The following NPEPL1 variants were observed in gnomAD, a reference collection of about 807,000 sequenced individuals.
NPEPL1 encodes the protein probable aminopeptidase NPEPL1.
NPEPL1 carries 45 observed loss-of-function variants against 52.4 expected under a neutral mutation model. The ratio of observed to expected loss-of-function variants is 0.86; its 90% CI spans 0.68 to 1.10. The LOEUF is 1.10. Ranked by LOEUF, NPEPL1 falls within the 50% of genes least tolerant of loss-of-function variation. The pLI is 0.00. For synonymous variants in NPEPL1, 360 were observed against 314.7 expected (o/e 1.14, Z -1.52); for missense variants, 696 against 710.9 (o/e 0.98, Z 0.24).
At position 58,713,647 on chromosome 20, in the gene NPEPL1, A is replaced by G; in HGVS notation, c.1125+104A>G. ...CAGCGCGTGGGGGCTGCCGTCAGGA[A>G]GTTTTCATAACTGGGCACGAGGAGG... On this transcript the variant is annotated intron_variant, in intron 9 of 11. Coordinates refer to ENST00000356091, the MANE Select transcript of NPEPL1 (RefSeq NM_024663.4). The surrounding 1 kb of genome is among the most constrained non-coding windows in gnomAD (Gnocchi z 4.6). 7.1e-7 allele frequency: 1 copy of G among 1,407,634 alleles called. No homozygotes were observed. The highest frequency in any genetic ancestry group is 9.4e-7 in the Non-Finnish European group (1 of 1,069,384). 87.2% of individuals were successfully genotyped at this position (1,407,634 alleles called of 1,614,324 possible). A position where few individuals can be genotyped will look rare whatever the true frequency, so the allele number is the denominator to read the frequency against.
Position 58,698,688 on chromosome 20 carries a change from T to C in NPEPL1, c.512T>C (p.Leu171Ser), listed in dbSNP as rs751322422. ...TGATGGCCTTTTTCTCCCTAGTGCT[T>C]AGCGAATGCCACAGACGGCGTGCGG... ...GPVEVSTLQC[L>S]ANATDGVRLA... Residue 171 changes from leucine to serine, a missense_variant, in exon 4 of 12, where the codon TTA becomes TCA. Physicochemically the swap from Leu to Ser is moderately radical, Grantham distance 145. Transcript: ENST00000356091. 6.2e-7 allele frequency: 1 copy of C among 1,612,566 alleles called. No homozygotes were observed. The highest frequency in any genetic ancestry group is 8.5e-7 in the Non-Finnish European group (1 of 1,179,768).
intron 3 of NPEPL1, 60 bp downstream of exon 3, chr20:58,694,652 G>A: frequency 6.1e-6 from 9 of 1,485,884 alleles, no homozygotes; most frequent in Non-Finnish European, 7.2e-6. Flanking sequence ...GCAGGTGGGA[G>A]GGAGGTCGGG....
intron 7 of NPEPL1, among the ~76,000 whole-genome samples, chr20:58,711,867 C>T (rs913072912): frequency 2.0e-5 from 3 of 152,216 alleles, no homozygotes; most frequent in East Asian, 1.9e-4. Flanking sequence ...GTTAAAGATT[C>T]GTCTGCGGGA....
Position 58,714,191 on chromosome 20 carries a change from C to A in NPEPL1, c.1302+98C>A, listed in dbSNP as rs961638577. 1.4e-5 allele frequency: 19 copies of A among 1,387,482 alleles called. No individual in the cohort carries two copies. In the African/African-American group the frequency reaches 2.1e-4, roughly 15 times the overall value. The allele number at this position is 1,387,482 out of a possible 1,614,324, so 85.9% of individuals were successfully genotyped here. On this transcript the variant is annotated intron_variant, in intron 10 of 11. Transcript: ENST00000356091. ...TGCTGGTGCACCCAGGGAGCTGGGGCCCCCCAGAAGCAGCCACAGTGCAGA... is the reference window on the plus strand; with the variant it reads ...TGCTGGTGCACCCAGGGAGCTGGGGACCCCCAGAAGCAGCCACAGTGCAGA...
Position 58,701,142 on chromosome 20 carries a change from T to G in NPEPL1, c.806T>G (p.Leu269Arg). The G allele has an allele frequency of 1.9e-6, 3 of 1,571,566 alleles. No homozygotes were observed. Among genetic ancestry groups the G allele is most frequent in the Non-Finnish European group, 2.6e-6 (3 of 1,159,922 alleles). ...GKGIVYDTGG[L>R]SIKGKTTMPG... The stretch of plus-strand genomic sequence containing the variant: ...GGCATCGTCTATGACACTGGAGGCC[T>G]CAGCATCAAAGGGAAGGTGAGGTGC... Residue 269 changes from leucine to arginine, a missense_variant, in exon 6 of 12, where the codon CTC becomes CGC. By Grantham distance (102) the Leu-to-Arg change is moderately radical. Transcript: ENST00000356091.
intron 5 of NPEPL1, among the ~76,000 whole-genome samples, chr20:58,699,791 G>T (rs957041032): frequency 1.3e-5 from 2 of 152,230 alleles, no homozygotes; most frequent in Admixed American, 1.3e-4. Context: ...GGGCAGATAA[G>T]TATGACTCAG....
intron 7 of NPEPL1, 66 bp from the exon 8 acceptor site, chr20:58,712,413 G>A: frequency 9.5e-7 from 1 of 1,056,866 alleles, no homozygotes; most frequent in South Asian, 1.3e-5. Flanking sequence ...AGAACCCCCA[G>A]CTCGTCCTCC....
chr20:58,704,432 T>C, intron 6 of NPEPL1: 1 of 891,164 alleles, frequency 1.1e-6, no homozygotes, highest in African/African-American at 1.8e-5. Context: ...TATAACAATG[T>C]CTATTGATAT....
chr20:58,713,546 G>A lies in NPEPL1; in HGVS notation c.1125+3G>A, dbSNP rs1308701782. On this transcript the variant is annotated splice_donor_region_variant and intron_variant, in intron 9 of 11. Transcript: ENST00000356091. This position sits in a 1 kb window ranked among gnomAD's most constrained non-coding sequence, Gnocchi z 4.6. ...TGGCCACCCTGACCGGGGCTCAGGTGAGTGCTCCCTGGATCCACCCCTTAG... is the reference window on the plus strand; with the variant it reads ...TGGCCACCCTGACCGGGGCTCAGGTAAGTGCTCCCTGGATCCACCCCTTAG... 1 of 1,599,716 alleles carries A rather than the reference G, an allele frequency of 6.3e-7. No individual in the cohort carries two copies. The highest frequency in any genetic ancestry group is 1.1e-5 in the South Asian group (1 of 89,256).
At chr20:58,715,130 C>G in intron 11 of NPEPL1, 38 bp from the exon 12 acceptor site, 1 of 1,568,686 alleles carries the variant, frequency 6.4e-7, no homozygotes, top group Non-Finnish European at 8.6e-7. Context: ...GTGCTGCAGC[C>G]CCACGCCCAG....
At chr20:58,700,147 A>T (rs2084584000) in intron 5 of NPEPL1, among the ~76,000 whole-genome samples, 1 of 152,248 alleles carries the variant, frequency 6.6e-6, no homozygotes, top group Admixed American at 6.5e-5. Context: ...AGCGAGAGAT[A>T]GGGATAAAGA....
chr20:58,713,201 A>G lies in NPEPL1; in HGVS notation c.1002-219A>G, dbSNP rs1355642149. The stretch of plus-strand genomic sequence containing the variant: ...AAATGGCTGGTCTCTGGCTCTCCAG[A>G]GCAGCGGGGCAGGGATGTCACCTGG... On this transcript the variant is annotated intron_variant, in intron 8 of 11. Coordinates refer to ENST00000356091, the MANE Select transcript of NPEPL1 (RefSeq NM_024663.4). This position sits in a 1 kb window ranked among gnomAD's most constrained non-coding sequence, Gnocchi z 4.6. 7.4e-6 allele frequency: 4 copies of G among 540,222 alleles called. No homozygotes were observed. The highest frequency in any genetic ancestry group is 9.7e-6 in the Non-Finnish European group (3 of 309,120). 33.5% of individuals were successfully genotyped at this position (540,222 alleles called of 1,614,324 possible). A position where few individuals can be genotyped will look rare whatever the true frequency, so the allele number is the denominator to read the frequency against.
At chr20:58,709,860 G>A (rs537587648) in intron 7 of NPEPL1, among the ~76,000 whole-genome samples, 19 of 152,314 alleles carry the variant, frequency 1.2e-4, no homozygotes, top group African/African-American at 4.6e-4. Flanking sequence ...CAGGCTTGAT[G>A]TGTGGTCTGA....
chr20:58,715,084 G>A (rs948269567), intron 11 of NPEPL1, 84 bp from the exon 12 acceptor site: 3 of 1,447,296 alleles, frequency 2.1e-6, no homozygotes, highest in Admixed American at 4.9e-5. Flanking sequence ...ACGTGGAGGG[G>A]ACCCAGGAGG....
intron 8 of NPEPL1, 41 bp downstream of exon 8, chr20:58,712,620 AC>A: frequency 7.0e-7 from 1 of 1,423,986 alleles, no homozygotes; most frequent in Non-Finnish European, 9.9e-7. Context: ...CACTGTTGGA[AC>A]TCGCGACCCT....
chr20:58,693,127 G>A, intron 1 of NPEPL1, 77 bp downstream of exon 1: 8 of 941,178 alleles, frequency 8.5e-6, no homozygotes, highest in Non-Finnish European at 1.0e-5. Flanking sequence ...GCCCCGCCTC[G>A]CCCGCCGCAC....
Position 58,709,560 on chromosome 20 carries a change from A to G in NPEPL1, c.900+2360A>G, listed in dbSNP as rs146097286. The stretch of plus-strand genomic sequence containing the variant: ...CATGAGAGTGGGATGGGAAGAGGAC[A>G]GTCAAATGCTCTCAGAGTGCCTCTC... On this transcript the variant is annotated intron_variant, in intron 7 of 11. Coordinates refer to ENST00000356091, the MANE Select transcript of NPEPL1 (RefSeq NM_024663.4). Among the ~76,000 whole-genome samples the G allele has an allele frequency of 1.7e-3, 263 of 152,304 alleles. No individual in the cohort carries two copies. In the Middle Eastern group the frequency reaches 0.024, roughly 14 times the overall value.
rs1374275547 is a variant in NPEPL1 at position 58,693,837 on chromosome 20, G to A, written c.251G>A (p.Ser84Asn). 3 of 1,613,560 alleles carry A rather than the reference G, an allele frequency of 1.9e-6. No individual in the cohort carries two copies. The highest frequency in any genetic ancestry group is 2.5e-6 in the Non-Finnish European group (3 of 1,179,818). The change falls in exon 2 of 12, where the codon AGC becomes AAC. Residue 84 changes from serine (S) to asparagine (N), a missense_variant. By Grantham distance (46) the Ser-to-Asn change is conservative. Transcript: ENST00000356091. ...ATVAALPCRVSRHNSPSAAHF... is the reference protein window; with the variant it reads ...ATVAALPCRVNRHNSPSAAHF... ...GTGGCTGCCCTGCCCTGCAGGGTGA[G>A]CCGGCACAACAGCCCCTCGGCCGCC...
At chr20:58,707,630 C>G (rs550318552) in intron 7 of NPEPL1, among the ~76,000 whole-genome samples, 1 of 151,986 alleles carries the variant, frequency 6.6e-6, no homozygotes, top group African/African-American at 2.4e-5. Flanking sequence ...AACCCCCAGG[C>G]CTGGCCAGGC....
Sources: allele counts gnomAD v4.1 joint callset (sites outside exome capture counted in the v4.1 genomes callset), GRCh38; gene constraint gnomAD v4.1.1; non-coding constraint Gnocchi (gnomAD v3.1); transcripts MANE v1.5; gene names NCBI Gene and HGNC (gene_info 2026-07-23, HGNC 2026-07-21).